Variants in NPNT observed in about 807,000 individuals in gnomAD.
NPNT encodes the protein preosteoblast EGF-like repeat protein with MAM domain.
In NPNT, 45 loss-of-function variants were observed where a neutral mutation model predicts 68.6. That is an observed-to-expected ratio of 0.66 (90% CI 0.52 to 0.84). NPNT has a LOEUF of 0.84. Ranked by LOEUF, NPNT falls within the 40% of genes least tolerant of loss-of-function variation. NPNT has a pLI of 0.00. For synonymous variants in NPNT, 233 were observed against 253.3 expected (o/e 0.92, Z 0.76); for missense variants, 672 against 714.8 (o/e 0.94, Z 0.68).
chr4:105,923,984 A>G (rs1167737664), intron 2 of NPNT, among the ~76,000 whole-genome samples: 1 of 151,314 alleles, frequency 6.6e-6, no homozygotes, highest in Non-Finnish European at 1.5e-5. Context: ...AGCACTTTAC[A>G]CTGTAGCCCC....
intron 8 of NPNT, among the ~76,000 whole-genome samples, chr4:105,946,803 A>G (rs1246333725): frequency 6.6e-6 from 1 of 152,192 alleles, no homozygotes; most frequent in Admixed American, 6.5e-5. Flanking sequence ...CAAAAGCAGA[A>G]TTACTGATAA....
intron 2 of NPNT, among the ~76,000 whole-genome samples, chr4:105,923,315 G>GT (rs11431753): frequency 0.1 from 15,654 of 149,162 alleles, 919 homozygotes; most frequent in Non-Finnish European, 0.14. Flanking sequence ...TAGAAATAAA[G>GT]TTTTTTTTTT....
intron 8 of NPNT, among the ~76,000 whole-genome samples, chr4:105,957,864 G>A (rs1456809106): frequency 6.6e-6 from 1 of 152,146 alleles, no homozygotes; most frequent in African/African-American, 2.4e-5. Flanking sequence ...AAAATGAATG[G>A]CATGTTTGGA....
intron 8 of NPNT, among the ~76,000 whole-genome samples, chr4:105,954,157 T>C (rs1731042683): frequency 6.6e-6 from 1 of 152,192 alleles, no homozygotes; most frequent in African/African-American, 2.4e-5. Flanking sequence ...CTGCTCCTTT[T>C]TGTGGCTGAT....
rs748666697 is a variant in NPNT at position 105,953,327 on chromosome 4, C to A, written c.1160-5144C>A. Among the ~76,000 whole-genome samples the A allele has an allele frequency of 3.9e-5, 6 of 152,306 alleles. 1 individual carries two copies. Among genetic ancestry groups the A allele is most frequent in the Middle Eastern group, 6.8e-3 (2 of 294 alleles). On this transcript the variant is annotated intron_variant, in intron 8 of 11. Transcript: ENST00000379987. ...GCTCCACCTTTCACCAGAGATTTAA[C>A]TTTTTTGCCAATTTTGCTCTTTACT...
chr4:105,937,755 T>C (rs1729607989), intron 4 of NPNT, among the ~76,000 whole-genome samples: 3 of 152,206 alleles, frequency 2.0e-5, no homozygotes, highest in Admixed American at 2.0e-4. Context: ...CCTAAAATTC[T>C]CTATAGGCTG....
rs1219389180 is a variant in NPNT at position 105,927,383 on chromosome 4, A to G, written c.220A>G (p.Lys74Glu). ...CKHGECIGPN[K>E]CKCHPGYAGK... is the part of the protein sequence containing the mutation. ...ACATGGTGAATGTATCGGGCCAAAC[A>G]AGTGCAAGTGTCATCCTGGTTATGC... The change falls in exon 3 of 12, where the codon AAG becomes GAG. Residue 74 changes from lysine to glutamate, a missense_variant. Transcript: ENST00000379987. 1.2e-6 allele frequency: 2 copies of G among 1,613,176 alleles called. No individual in the cohort carries two copies. The highest frequency in any genetic ancestry group is 1.7e-6 in the Non-Finnish European group (2 of 1,179,436).
rs1261276610 is a variant in NPNT at position 105,914,353 on chromosome 4, TTC to T, written c.173-12963_173-12962del. Among the ~76,000 whole-genome samples, 410 of 132,108 alleles carry T rather than the reference TTC, an allele frequency of 3.1e-3. 3 individuals are homozygous for T. The highest frequency in any genetic ancestry group is 0.01 in the African/African-American group (358 of 35,316). The allele number at this position is 132,108 out of a possible 152,430, so 86.7% of individuals were successfully genotyped here. A position where few individuals can be genotyped will look rare whatever the true frequency, so the allele number is the denominator to read the frequency against. On this transcript the variant is annotated intron_variant, in intron 2 of 11. Coordinates refer to ENST00000379987, the MANE Select transcript of NPNT (RefSeq NM_001033047.3). Reference sequence around the variant, plus strand: ...GGTAATAGCTGGCTCTCTCTCTCCATTCTCTCTCTCTCTCTCTCTCTATATAT... The same window carrying T: ...GGTAATAGCTGGCTCTCTCTCTCCATTCTCTCTCTCTCTCTCTCTATATAT...
intron 3 of NPNT, among the ~76,000 whole-genome samples, chr4:105,929,246 C>G (rs1728928084): frequency 6.6e-6 from 1 of 152,050 alleles, no homozygotes; most frequent in African/African-American, 2.4e-5. Context: ...TTACAATCAT[C>G]CAGAACATTG....
At position 105,944,199 on chromosome 4, in the gene NPNT, T is replaced by G. The variant is rs1578655387; in HGVS notation, c.1159+1497T>G. Among the ~76,000 whole-genome samples, 3 of 152,256 alleles carry G rather than the reference T, an allele frequency of 2.0e-5. No individual in the cohort carries two copies. The South Asian group carries it at 6.2e-4, about 32-fold the overall frequency. Reference sequence around the variant, plus strand: ...ATACATTTTATATGTGCATAACTATTTTCTGAAATTTATGTTTTTGTAATT... The same window carrying G: ...ATACATTTTATATGTGCATAACTATGTTCTGAAATTTATGTTTTTGTAATT... On this transcript the variant is annotated intron_variant, in intron 8 of 11. Transcript: ENST00000379987.
At chr4:105,900,842 T>TG (rs202133601) in intron 2 of NPNT, among the ~76,000 whole-genome samples, 113 of 150,124 alleles carry the variant, frequency 7.5e-4, no homozygotes, top group African/African-American at 2.7e-3. Flanking sequence ...TTGTTTTTTT[T>TG]TTTTTTTTTT....
At position 105,942,702 on chromosome 4, in the gene NPNT, A is replaced by G; in HGVS notation, c.1159A>G (p.Ile387Val). 6.2e-7 allele frequency: 1 copy of G among 1,600,680 alleles called. No homozygotes were observed. Among genetic ancestry groups the G allele is most frequent in the South Asian group, 1.1e-5 (1 of 89,136 alleles). ...TCAGAAACCCAGAGGAGATGTGTTC[A>G]GTAAGTCTAATAAATGTTAGCACAT... ...DPQKPRGDVF[I>V]PRQPSNDLFE... The change falls in exon 8 of 12, where the codon ATT becomes GTT. Residue 387 changes from isoleucine (I) to valine (V), a missense_variant and splice_region_variant. Ile to Val is a conservative substitution (Grantham distance 29). Coordinates refer to ENST00000379987, the MANE Select transcript of NPNT (RefSeq NM_001033047.3).
chr4:105,935,104 G>A (rs1729402943), intron 3 of NPNT, among the ~76,000 whole-genome samples: 1 of 152,096 alleles, frequency 6.6e-6, no homozygotes, highest in African/African-American at 2.4e-5. Context: ...TTCCCATCAG[G>A]AACTCACAAA....
intron 8 of NPNT, among the ~76,000 whole-genome samples, chr4:105,952,383 A>G (rs1730902926): frequency 6.6e-6 from 1 of 152,186 alleles, no homozygotes; most frequent in Admixed American, 6.5e-5. Context: ...GTCTCATTAG[A>G]CAGTTGTGAT....
intron 2 of NPNT, among the ~76,000 whole-genome samples, chr4:105,914,398 TATA>T (rs1727624607): frequency 1.5e-5 from 2 of 137,352 alleles, no homozygotes; most frequent in South Asian, 2.3e-4. Flanking sequence ...ATAAAAATAA[TATA>T]ATATATATTA....
chr4:105,900,124 T>C (rs537229932), intron 2 of NPNT, among the ~76,000 whole-genome samples: 1 of 152,358 alleles, frequency 6.6e-6, no homozygotes, highest in South Asian at 2.1e-4. Flanking sequence ...ATGTGAGAAA[T>C]GTTTTTGCCT....
At chr4:105,953,711 G>A (rs1399318761) in intron 8 of NPNT, among the ~76,000 whole-genome samples, 1 of 152,170 alleles carries the variant, frequency 6.6e-6, no homozygotes, top group African/African-American at 2.4e-5. Context: ...ACCAGAAACA[G>A]CCTTCAGAAT....
chr4:105,922,392 T>A, intron 2 of NPNT, among the ~76,000 whole-genome samples: 1 of 118,500 alleles, frequency 8.4e-6, no homozygotes, highest in Non-Finnish European at 1.6e-5. Flanking sequence ...GATGGATATT[T>A]TTTTTTTTTT....
At chr4:105,961,444 G>A (rs1433455189) in intron 10 of NPNT, among the ~76,000 whole-genome samples, 1 of 152,176 alleles carries the variant, frequency 6.6e-6, no homozygotes, top group East Asian at 1.9e-4. Flanking sequence ...ACACTGGGGA[G>A]AGTAATTCAT....
Sources: allele counts gnomAD v4.1 joint callset (sites outside exome capture counted in the v4.1 genomes callset), GRCh38; gene constraint gnomAD v4.1.1; transcripts MANE v1.5; gene names NCBI Gene and HGNC (gene_info 2026-07-23, HGNC 2026-07-21).